Variants in SYNPO observed in about 807,000 individuals in gnomAD.
The protein encoded by SYNPO is synaptopodin.
SYNPO carries 19 observed loss-of-function variants against 49.5 expected under a neutral mutation model. The ratio of observed to expected loss-of-function variants is 0.38; its 90% CI spans 0.27 to 0.56. The LOEUF (loss-of-function observed/expected upper bound fraction) is 0.56, where lower values mean the gene tolerates loss of function less well. Among genes scored for constraint, SYNPO ranks in the 20% least tolerant of loss-of-function variants. SYNPO has a pLI of 0.68. For synonymous variants in SYNPO, 536 were observed against 548.0 expected (o/e 0.98, Z 0.31); for missense variants, 1,131 against 1,248.3 (o/e 0.91, Z 1.42).
the SYNPO span, among the ~76,000 whole-genome samples, chr5:150,595,335 G>A: frequency 1.3e-5 from 2 of 152,252 alleles, no homozygotes; most frequent in African/African-American, 2.4e-5. Flanking sequence ...AATGCTGGAA[G>A]GATCTTCAGA....
chr5:150,618,867 G>A, intron 2 of SYNPO: 2 of 1,432,582 alleles, frequency 1.4e-6, no homozygotes, highest in Non-Finnish European at 9.5e-7. Flanking sequence ...ATGATCCACA[G>A]TAATTCATCA....
upstream of SYNPO, among the ~76,000 whole-genome samples, chr5:150,637,478 T>C (rs1353707353): frequency 1.3e-5 from 2 of 152,160 alleles, no homozygotes; most frequent in East Asian, 3.8e-4. Context: ...ATGAACATGA[T>C]TGCACCCGGC....
Position 150,618,542 on chromosome 5 carries a change from G to T in SYNPO, c.175G>T (p.Glu59Ter). The T allele has an allele frequency of 6.4e-7, 1 of 1,550,876 alleles. No homozygotes were observed. Among genetic ancestry groups the T allele is most frequent in the Non-Finnish European group, 8.7e-7 (1 of 1,146,470 alleles). ...GGGGCCTACCGACCTGGAAGAGGAT[G>T]AGGGGGTCAGCAGGAGTGGGGACGA... The change falls in exon 2 of 3, where the codon GAG becomes TAG. Residue 59 changes from glutamate to a stop codon, truncating the protein, a stop_gained. Transcript: ENST00000394243. LOFTEE classifies it high-confidence loss of function.
At chr5:150,591,029 G>C in the SYNPO span, among the ~76,000 whole-genome samples, 1 of 152,162 alleles carries the variant, frequency 6.6e-6, no homozygotes, top group African/African-American at 2.4e-5. Context: ...CAGGGTTAGA[G>C]GGGGTGGGGA....
At chr5:150,621,979 A>G (rs937165442) in intron 2 of SYNPO, among the ~76,000 whole-genome samples, 72 of 152,290 alleles carry the variant, frequency 4.7e-4, no homozygotes, top group African/African-American at 1.7e-3. Flanking sequence ...CATAACTGGT[A>G]GCGTTTCTTG....
At position 150,656,819 on chromosome 5, in the gene SYNPO, T is replaced by C. The variant is rs775523904; in HGVS notation, c.2444T>C (p.Val815Ala). 3.4e-5 allele frequency: 49 copies of C among 1,457,376 alleles called. No homozygotes were observed. Among genetic ancestry groups the C allele is most frequent in the Admixed American group, 2.1e-5 (1 of 48,154 alleles). The allele number at this position is 1,457,376 out of a possible 1,614,324, so 90.3% of individuals were successfully genotyped here. A position where few individuals can be genotyped will look rare whatever the true frequency, so the allele number is the denominator to read the frequency against. Residue 815 changes from valine to alanine, a missense_variant, in exon 3 of 3, where the codon GTG (valine) becomes GCG (alanine). By Grantham distance (64) the Val-to-Ala change is moderately conservative (BLOSUM62 0). This residue lies in a region of SYNPO where 509 missense variants were observed against 484.5 expected (regional missense o/e 1.05). Coordinates refer to ENST00000307662, the MANE Select transcript of SYNPO (RefSeq NM_007286.6). Reference sequence around the variant, plus strand: ...CCCGCCCGCCCCGGCTCGGCTGCTGTGCCGGGGGCAGCCTTCGCGCCCATC... The same window carrying C: ...CCCGCCCGCCCCGGCTCGGCTGCTGCGCCGGGGGCAGCCTTCGCGCCCATC... ...PQPARPGSAAVPGAAFAPIPR... is the reference protein window; with the variant it reads ...PQPARPGSAAAPGAAFAPIPR...
At position 150,649,203 on chromosome 5, in the gene SYNPO, C is replaced by T. The variant is rs1280992708; in HGVS notation, c.928C>T (p.Arg310Cys). 9 of 1,614,166 alleles carry T rather than the reference C, an allele frequency of 5.6e-6. No homozygotes were observed. The South Asian group carries it at 7.7e-5, about 14-fold the overall frequency. Reference protein sequence around the residue: ...MGQRSPASERRPLGNFTAPPT... With the variant: ...MGQRSPASERCPLGNFTAPPT... ...GCAGCGAAGCCCGGCCTCAGAGAGA[C>T]GCCCCTTGGGGAACTTCACTGCACC... Residue 310 changes from arginine to cysteine, a missense_variant, in exon 2 of 3, where the codon CGC becomes TGC. Around this residue, in one of 4 missense-constraint regions of SYNPO, gnomAD observed 602 missense variants for 720.7 expected, o/e 0.84. Coordinates refer to ENST00000307662, the MANE Select transcript of SYNPO (RefSeq NM_007286.6).
intron 2 of SYNPO, among the ~76,000 whole-genome samples, chr5:150,620,900 T>C (rs575592582): frequency 3.2e-5 from 1 of 31,660 alleles, no homozygotes; most frequent in Admixed American, 3.6e-4. Flanking sequence ...TCTTTTTTTC[T>C]CTTTCTTTCT....
intron 1 of SYNPO, among the ~76,000 whole-genome samples, chr5:150,646,539 T>C (rs998460307): frequency 6.6e-6 from 1 of 151,646 alleles, no homozygotes; most frequent in African/African-American, 2.4e-5. Context: ...CTAAGCAACA[T>C]GGTGAAACCC....
chr5:150,591,985 G>A, the SYNPO span, among the ~76,000 whole-genome samples: 3 of 152,120 alleles, frequency 2.0e-5, no homozygotes, highest in Non-Finnish European at 4.4e-5. Flanking sequence ...GACCAACATG[G>A]AGAAACCCCG....
Position 150,648,350 on chromosome 5 carries a change from A to G in SYNPO, c.75A>G (p.Pro25=). The G allele has an allele frequency of 1.2e-6, 2 of 1,614,158 alleles. No homozygotes were observed. The highest frequency in any genetic ancestry group is 1.7e-6 in the Non-Finnish European group (2 of 1,180,022). ...TGGCCAGTGAGGAGGAAGAGGTACC[A>G]CTGGTGGTTTATCTAAAGGAGAATG... ...EKVASEEEEV[P]LVVYLKENAA... The change falls in exon 2 of 3, where the codon CCA becomes CCG. Residue 25 remains proline (P), a synonymous_variant. Transcript: ENST00000307662. This position sits in a 1 kb window ranked among gnomAD's most constrained non-coding sequence, Gnocchi z 5.0.
At chr5:150,626,391 C>T (rs1356700988) in intron 2 of SYNPO, among the ~76,000 whole-genome samples, 2 of 152,170 alleles carry the variant, frequency 1.3e-5, no homozygotes, top group South Asian at 4.2e-4. Context: ...TCCATCAGTA[C>T]GAAGGGGATG....
chr5:150,625,033 G>C (rs1757307729), intron 2 of SYNPO: 1 of 939,762 alleles, frequency 1.1e-6, no homozygotes, highest in South Asian at 4.9e-5. Context: ...CTCGCACGCG[G>C]GGTGACCTTG....
chr5:150,656,451 G>A lies in SYNPO; in HGVS notation c.2076G>A (p.Ala692=). ...CCTCCCCACCCTGGACGCCGGGCGC[G>A]TCCCGGCCCCCCAGCAGCCTAGACG... ...LPTSPPWTPG[A]SRPPSSLDGW... is the part of the protein sequence containing the mutation. The change falls in exon 3 of 3, where the codon GCG becomes GCA. Residue 692 remains alanine, a synonymous_variant. Coordinates refer to ENST00000307662, the MANE Select transcript of SYNPO (RefSeq NM_007286.6). 1 of 1,532,088 alleles carries A rather than the reference G, an allele frequency of 6.5e-7. No homozygotes were observed. Among genetic ancestry groups the A allele is most frequent in the Non-Finnish European group, 8.7e-7 (1 of 1,145,322 alleles). 94.9% of individuals were successfully genotyped at this position (1,532,088 alleles called of 1,614,324 possible). A position where few individuals can be genotyped will look rare whatever the true frequency, so the allele number is the denominator to read the frequency against.
At chr5:150,595,031 AG>A in the SYNPO span, among the ~76,000 whole-genome samples, 3 of 152,228 alleles carry the variant, frequency 2.0e-5, no homozygotes, top group African/African-American at 7.2e-5. Flanking sequence ...ATTTCCATGT[AG>A]GAAATATTTT....
chr5:150,638,768 C>T (rs1034598883), upstream of SYNPO, among the ~76,000 whole-genome samples: 2 of 152,250 alleles, frequency 1.3e-5, no homozygotes, highest in Admixed American at 1.3e-4. Context: ...GAAACCACCT[C>T]TTTCCCTGCC....
At chr5:150,609,452 G>T (rs552686562) in intron 1 of SYNPO, among the ~76,000 whole-genome samples, 4 of 152,158 alleles carry the variant, frequency 2.6e-5, no homozygotes, top group African/African-American at 9.6e-5. Context: ...GCACCACCAC[G>T]CCCAGCTAAT....
At chr5:150,609,307 T>G (rs2151347438) in intron 1 of SYNPO, among the ~76,000 whole-genome samples, 1 of 152,326 alleles carries the variant, frequency 6.6e-6, no homozygotes, top group South Asian at 2.1e-4. Context: ...TTTTTTTAAT[T>G]TTTTGAGATG....
rs903718195 is a variant in SYNPO at position 150,657,242 on chromosome 5, T to C, written c.*155T>C. ...TTGGGGATGGGTTAGGGACGCAAGC[T>C]TGAGTTCTAGCCCTTGCTCTCATTC... On this transcript the variant is annotated 3_prime_UTR_variant, in exon 3 of 3. Coordinates refer to ENST00000307662, the MANE Select transcript of SYNPO (RefSeq NM_007286.6). 1.1e-5 allele frequency: 9 copies of C among 797,858 alleles called. No individual in the cohort carries two copies. The Admixed American group carries it at 1.2e-4, about 10-fold the overall frequency. 49.4% of individuals were successfully genotyped at this position (797,858 alleles called of 1,614,324 possible).
Sources: gnomAD v4.1 joint callset for allele counts (sites outside exome capture counted in the v4.1 genomes callset) on GRCh38, gnomAD v4.1.1 for gene constraint, gnomAD v4.1.1 regional missense constraint, Gnocchi (gnomAD v3.1) non-coding constraint, MANE v1.5 for transcripts, NCBI Gene and HGNC (gene_info 2026-07-23, HGNC 2026-07-21) for gene names.